The following AK9 variants were observed in gnomAD, a reference collection of about 807,000 sequenced individuals.
AK9 encodes the protein adenylate kinase domain containing 1.
In AK9, 191 loss-of-function variants were observed where a neutral mutation model predicts 239.6. The ratio of observed to expected loss-of-function variants is 0.80; its 90% CI spans 0.71 to 0.90. AK9 has a LOEUF of 0.90. Among genes scored for constraint, AK9 ranks in the 40% least tolerant of loss-of-function variants. The probability of loss-of-function intolerance (pLI) is 0.00; values close to 1 mark genes in which losing one functional copy is unlikely to be tolerated. For synonymous variants in AK9, 689 were observed against 721.0 expected (o/e 0.96, Z 0.71); for missense variants, 1,995 against 2,214.7 (o/e 0.90, Z 1.99).
chr6:109,501,447 T>C (rs1036257433), intron 35 of AK9, among the ~76,000 whole-genome samples: 7 of 152,220 alleles, frequency 4.6e-5, no homozygotes, highest in Non-Finnish European at 1.5e-5. Flanking sequence ...ACAATCCTGC[T>C]TTTAAACAGG....
At chr6:109,527,035 CG>C (rs1408755138) in intron 29 of AK9, among the ~76,000 whole-genome samples, 1 of 152,088 alleles carries the variant, frequency 6.6e-6, no homozygotes, top group African/African-American at 2.4e-5. Flanking sequence ...ACTTGCTCCC[CG>C]GGCTTCCTGT....
chr6:109,682,677 C>T (rs1012848138), intron 1 of AK9, among the ~76,000 whole-genome samples: 6 of 152,086 alleles, frequency 3.9e-5, no homozygotes, highest in Admixed American at 2.6e-4. Flanking sequence ...TGGACACATA[C>T]ACCCTCCCAA....
intron 6 of AK9, among the ~76,000 whole-genome samples, chr6:109,662,341 G>A (rs1800541595): frequency 6.6e-6 from 1 of 152,192 alleles, no homozygotes; most frequent in Admixed American, 6.5e-5. Flanking sequence ...TGGCTATGAG[G>A]AAGCCTGGTG....
intron 17 of AK9, among the ~76,000 whole-genome samples, chr6:109,587,349 C>T (rs1789636768): frequency 6.6e-6 from 1 of 152,020 alleles, no homozygotes. Context: ...ATAATTTCTC[C>T]ACCTCATTCA....
intron 19 of AK9, 35 bp downstream of exon 19, chr6:109,585,088 C>A: frequency 9.4e-7 from 1 of 1,060,472 alleles, no homozygotes; most frequent in East Asian, 6.9e-5. Context: ...ATAACAGATA[C>A]ATTAATCTGT....
rs1357024540 is a variant in AK9 at position 109,493,458 on chromosome 6, AT to A, written c.5646del (p.Lys1882AsnfsTer16). Reference protein sequence around the residue: ...ITYLGAKMTRKYKEPQFRAID... With the variant: ...ITYLGAKMTRXYKEPQFRAID... ...ATGGCTCTGAACTGAGGTTCCTTGT[AT>A]TTTCTGGTCATCTTGGCACCCAAGT... is the stretch of plus-strand genomic sequence containing the variant. On this transcript the variant is annotated frameshift_variant, in exon 41 of 41. Transcript: ENST00000424296. LOFTEE classifies it high-confidence loss of function. 1 of 1,614,104 alleles carries A rather than the reference AT, an allele frequency of 6.2e-7. No homozygotes were observed. Among genetic ancestry groups the A allele is most frequent in the South Asian group, 1.1e-5 (1 of 91,086 alleles).
Position 109,610,387 on chromosome 6 carries a change from A to C in AK9, c.1820T>G (p.Ile607Ser). The change falls in exon 17 of 41, where the codon ATC becomes AGC. Residue 607 changes from isoleucine to serine, a missense_variant. Around this residue, in one of 5 missense-constraint regions of AK9, gnomAD observed 1,290 missense variants for 1,392.7 expected, o/e 0.93. Coordinates refer to ENST00000424296, the MANE Select transcript of AK9 (RefSeq NM_001145128.3). ...FEQPYEKHAEILQEVLGEVME... is the reference protein window; with the variant it reads ...FEQPYEKHAESLQEVLGEVME... Reference sequence around the variant, plus strand: ...TACCTCTCCAAGGACTTCCTGTAAGATTTCAGCATGTTTTTCATATGGCTG... The same window carrying C: ...TACCTCTCCAAGGACTTCCTGTAAGCTTTCAGCATGTTTTTCATATGGCTG... The C allele has an allele frequency of 7.1e-6, 11 of 1,551,546 alleles. No homozygotes were observed. The highest frequency in any genetic ancestry group is 9.6e-6 in the Non-Finnish European group (11 of 1,146,828).
At chr6:109,653,955 A>G (rs546824088) in intron 8 of AK9, among the ~76,000 whole-genome samples, 2 of 152,238 alleles carry the variant, frequency 1.3e-5, no homozygotes, top group African/African-American at 2.4e-5. Context: ...TACAACAACA[A>G]TGTTGAACTC....
chr6:109,648,380 T>C (rs1443630791), intron 8 of AK9, among the ~76,000 whole-genome samples: 2 of 151,824 alleles, frequency 1.3e-5, no homozygotes, highest in Non-Finnish European at 2.9e-5. Context: ...AAGAATCAAA[T>C]AGACACAATA....
At chr6:109,590,573 G>T (rs999014857) in intron 17 of AK9, among the ~76,000 whole-genome samples, 2 of 151,920 alleles carry the variant, frequency 1.3e-5, no homozygotes, top group African/African-American at 4.8e-5. Context: ...TTTTGATGTG[G>T]TTTGCTCTTG....
intron 13 of AK9, among the ~76,000 whole-genome samples, chr6:109,617,182 A>T (rs1000401788): frequency 6.6e-6 from 1 of 152,118 alleles, no homozygotes; most frequent in South Asian, 2.1e-4. Context: ...CTGCATGAGA[A>T]GATCTAATAG....
In AK9 at chr6:109,550,159, T is replaced by G; in HGVS notation, c.2895A>C (p.Ser965=). Residue 965 remains serine, a synonymous_variant, in exon 25 of 41, where the codon TCA becomes TCC. Coordinates refer to ENST00000424296, the MANE Select transcript of AK9 (RefSeq NM_001145128.3). ...AKYREKIYYF[S]SAEAKEKFLE... Reference sequence around the variant, plus strand: ...AAAACTTTTCTTTAGCCTCAGCACTTGAAAAGTAGTAGATCTTTTCTCGAT... The same window carrying G: ...AAAACTTTTCTTTAGCCTCAGCACTGGAAAAGTAGTAGATCTTTTCTCGAT... 6.2e-7 allele frequency: 1 copy of G among 1,614,066 alleles called. No homozygotes were observed. The highest frequency in any genetic ancestry group is 8.5e-7 in the Non-Finnish European group (1 of 1,180,026).
In AK9 at chr6:109,506,689, G is replaced by A. The variant is rs1418189990; in HGVS notation, c.4593C>T (p.Phe1531=). ...FELSVPSKEI[F]KRLLLEKENE... Reference sequence around the variant, plus strand: ...TTTCTTTTTCTAGGAGCAATCTTTTGAAAATCTCCTTGGAAGGCACACTCA... The same window carrying A: ...TTTCTTTTTCTAGGAGCAATCTTTTAAAAATCTCCTTGGAAGGCACACTCA... The change falls in exon 34 of 41, where the codon TTC becomes TTT. Residue 1531 remains phenylalanine, a synonymous_variant. Transcript: ENST00000424296. The A allele has an allele frequency of 2.6e-6, 4 of 1,534,704 alleles. 1 individual carries two copies. The South Asian group carries it at 4.9e-5, about 19-fold the overall frequency.
chr6:109,565,666 C>G (rs369202122), intron 21 of AK9, among the ~76,000 whole-genome samples: 1 of 152,140 alleles, frequency 6.6e-6, no homozygotes, highest in East Asian at 1.9e-4. Context: ...GCTGCACATA[C>G]AGATCCAGCA....
chr6:109,682,599 C>T (rs1378398401), intron 1 of AK9, among the ~76,000 whole-genome samples: 2 of 151,858 alleles, frequency 1.3e-5, no homozygotes, highest in African/African-American at 4.8e-5. Context: ...TACAAACTAC[C>T]ATCAGAGAAT....
intron 33 of AK9, among the ~76,000 whole-genome samples, chr6:109,508,259 T>C (rs559384086): frequency 6.6e-6 from 1 of 152,296 alleles, no homozygotes; most frequent in South Asian, 2.1e-4. Context: ...GTAGCTCAAC[T>C]TCTTTGTCCT....
intron 39 of AK9, 54 bp downstream of exon 39, chr6:109,495,281 AAAG>A (rs1776918493): frequency 2.2e-5 from 30 of 1,343,304 alleles, no homozygotes; most frequent in Non-Finnish European, 2.9e-5. Flanking sequence ...TTAGTGTTAA[AAAG>A]AAGAAGTCAT....
intron 5 of AK9, among the ~76,000 whole-genome samples, chr6:109,667,560 A>T (rs906267971): frequency 1.0e-5 from 1 of 98,948 alleles, no homozygotes; most frequent in African/African-American, 4.0e-5. Flanking sequence ...CTCTCCCCCC[A>T]TCCCACAACA....
In AK9 at chr6:109,550,243, C is replaced by T. The variant is rs764494598; in HGVS notation, c.2811G>A (p.Pro937=). The change falls in exon 25 of 41, where the codon CCG becomes CCA. Residue 937 remains proline, a synonymous_variant. Coordinates refer to ENST00000424296, the MANE Select transcript of AK9 (RefSeq NM_001145128.3). ...RHLGDTKHFC[P]VVLKENFILQ... ...GGATGAAGTTTTCTTTGAGGACCAC[C>T]GGACAAAAGTGTTTTGTGTCTCCCA... The T allele has an allele frequency of 1.8e-5, 29 of 1,612,968 alleles. No homozygotes were observed. The highest frequency in any genetic ancestry group is 1.6e-4 in the Middle Eastern group (1 of 6,084).
Sources: allele counts gnomAD v4.1 joint callset (sites outside exome capture counted in the v4.1 genomes callset), GRCh38; gene constraint gnomAD v4.1.1; regional missense constraint gnomAD v4.1.1; transcripts MANE v1.5; gene names NCBI Gene and HGNC (gene_info 2026-07-23, HGNC 2026-07-21).